NME7: variants seen among roughly 807,000 people sequenced by gnomAD.
NME7 encodes the protein NME/NM23 family member 7, also known as nucleoside diphosphate kinase 7.
A neutral mutation model predicts 49.1 loss-of-function variants in NME7; 41 were observed. The ratio of observed to expected loss-of-function variants is 0.83; its 90% CI spans 0.65 to 1.08. NME7 has a LOEUF of 1.08. Among genes scored for constraint, NME7 ranks in the 50% least tolerant of loss-of-function variants. The pLI, the probability that NME7 is intolerant of heterozygous loss-of-function variation, is 0.00. For synonymous variants in NME7, 139 were observed against 150.6 expected (o/e 0.92, Z 0.56); for missense variants, 423 against 463.4 (o/e 0.91, Z 0.80).
At position 169,269,438 on chromosome 1, in the gene NME7, C is replaced by T. The variant is rs1649417971; in HGVS notation, c.754+17865G>A. 1.5e-5 allele frequency among the ~76,000 whole-genome samples: 2 copies of T among 133,940 alleles called. 1 individual carries two copies. Among genetic ancestry groups the T allele is most frequent in the Non-Finnish European group, 3.5e-5 (2 of 57,084 alleles). The allele number at this position is 133,940 out of a possible 152,430, so 87.9% of individuals were successfully genotyped here. On this transcript the variant is annotated intron_variant, in intron 7 of 11. Transcript: ENST00000367811. Reference sequence around the variant, plus strand: ...TTTTGTTAAAACTGAGTTAAATATACGATGTTTAGCTCTCTTTATACCAAA... The same window carrying T: ...TTTTGTTAAAACTGAGTTAAATATATGATGTTTAGCTCTCTTTATACCAAA...
intron 4 of NME7, among the ~76,000 whole-genome samples, chr1:169,303,715 G>A (rs1444448977): frequency 6.6e-6 from 1 of 152,046 alleles, no homozygotes; most frequent in African/African-American, 2.4e-5. Flanking sequence ...GCCTCTCAAA[G>A]TGCTGGGATT....
chr1:169,308,171 T>C (rs1651251524), intron 4 of NME7, among the ~76,000 whole-genome samples: 1 of 152,302 alleles, frequency 6.6e-6, no homozygotes, highest in Admixed American at 6.5e-5. Context: ...CTAGAAAATA[T>C]GTAAACTAGG....
chr1:169,149,380 G>A (rs1279353847), intron 11 of NME7, among the ~76,000 whole-genome samples: 1 of 151,984 alleles, frequency 6.6e-6, no homozygotes, highest in Non-Finnish European at 1.5e-5. Context: ...ATTTAACTAA[G>A]AGAAGTTAAT....
chr1:169,287,506 A>C, intron 6 of NME7, 98 bp from the exon 7 acceptor site: 2 of 863,832 alleles, frequency 2.3e-6, no homozygotes, highest in Admixed American at 5.6e-5. Flanking sequence ...TTACTTTTAG[A>C]GTTTCATCAT....
chr1:169,316,245 A>T (rs1651621273), intron 3 of NME7, among the ~76,000 whole-genome samples: 1 of 152,134 alleles, frequency 6.6e-6, no homozygotes, highest in African/African-American at 2.4e-5. Flanking sequence ...GTCCAAAAAC[A>T]ACAATAATAA....
chr1:169,323,506 C>T (rs1312175328), intron 2 of NME7, among the ~76,000 whole-genome samples: 4 of 152,082 alleles, frequency 2.6e-5, no homozygotes, highest in Non-Finnish European at 5.9e-5. Context: ...AAATTTAATA[C>T]TCTTAAAAAC....
intron 7 of NME7, among the ~76,000 whole-genome samples, chr1:169,254,349 G>C (rs952563945): frequency 3.3e-5 from 5 of 151,900 alleles, no homozygotes; most frequent in Non-Finnish European, 7.4e-5. Flanking sequence ...GTTTATTTGC[G>C]TAGAGGTGTT....
chr1:169,145,999 T>C (rs937733416), intron 11 of NME7, among the ~76,000 whole-genome samples: 2 of 151,632 alleles, frequency 1.3e-5, no homozygotes, highest in African/African-American at 4.9e-5. Flanking sequence ...TATTGTGTGA[T>C]GGTGAGGTTT....
intron 10 of NME7, among the ~76,000 whole-genome samples, chr1:169,184,614 C>A (rs925041427): frequency 5.3e-5 from 8 of 152,078 alleles, no homozygotes; most frequent in Non-Finnish European, 1.2e-4. Flanking sequence ...TGGTCATTAC[C>A]TAATTTGTTG....
intron 1 of NME7, among the ~76,000 whole-genome samples, chr1:169,335,517 A>G (rs904267729): frequency 1.3e-5 from 2 of 151,670 alleles, no homozygotes; most frequent in South Asian, 2.1e-4. Flanking sequence ...ATGAGAACAC[A>G]TAGAGAGGGG....
intron 11 of NME7, among the ~76,000 whole-genome samples, chr1:169,153,248 C>T (rs1658960520): frequency 6.6e-6 from 1 of 152,106 alleles, no homozygotes; most frequent in Non-Finnish European, 1.5e-5. Context: ...TGGCATAGTA[C>T]CTGGTATATA....
intron 10 of NME7, among the ~76,000 whole-genome samples, chr1:169,186,921 G>A (rs1291295623): frequency 1.3e-5 from 2 of 152,020 alleles, no homozygotes; most frequent in Non-Finnish European, 2.9e-5. Context: ...CACTGTTTTA[G>A]CTGTGTTGAA....
At chr1:169,308,017 C>T (rs10919131) in intron 4 of NME7, among the ~76,000 whole-genome samples, 6,970 of 126,970 alleles carry the variant, frequency 0.055, 227 homozygotes, top group East Asian at 0.12. Context: ...AAGACTCCAT[C>T]TCAAAAAAAA....
intron 4 of NME7, among the ~76,000 whole-genome samples, chr1:169,305,239 C>A (rs932840421): frequency 6.6e-6 from 1 of 152,168 alleles, no homozygotes; most frequent in African/African-American, 2.4e-5. Flanking sequence ...GAATCACTAT[C>A]TAGAGAAGTT....
Position 169,271,628 on chromosome 1 carries a change from G to T in NME7, c.754+15675C>A, listed in dbSNP as rs1349525115. 1.5e-5 allele frequency among the ~76,000 whole-genome samples: 2 copies of T among 133,186 alleles called. 1 individual carries two copies. The highest frequency in any genetic ancestry group is 4.0e-4 in the East Asian group (2 of 5,026). The allele number at this position is 133,186 out of a possible 152,430, so 87.4% of individuals were successfully genotyped here. A position where few individuals can be genotyped will look rare whatever the true frequency, so the allele number is the denominator to read the frequency against. ...TTGTGCTTGCCCTTTATTGTATTAA[G>T]GAATAAACTTAGCTTTGCTTCATCA... is the stretch of plus-strand genomic sequence containing the variant. On this transcript the variant is annotated intron_variant, in intron 7 of 11. Coordinates refer to ENST00000367811, the MANE Select transcript of NME7 (RefSeq NM_013330.5).
chr1:169,255,928 G>A lies in NME7; in HGVS notation c.755-18241C>T, dbSNP rs1014448106. ...CTGGCTTGTAGGGTTTCTGCCGAGA[G>A]ATCCACTGTTAGTCTGATGGGCTTT... On this transcript the variant is annotated intron_variant, in intron 7 of 11. Coordinates refer to ENST00000367811, the MANE Select transcript of NME7 (RefSeq NM_013330.5). Among the ~76,000 whole-genome samples, 67 of 133,800 alleles carry A rather than the reference G, an allele frequency of 5.0e-4. 7 individuals are homozygous for A. The highest frequency in any genetic ancestry group is 1.5e-3 in the African/African-American group (61 of 39,576). The allele number at this position is 133,800 out of a possible 152,430, so 87.8% of individuals were successfully genotyped here. A position where few individuals can be genotyped will look rare whatever the true frequency, so the allele number is the denominator to read the frequency against.
At chr1:169,184,703 A>T (rs1349450236) in intron 10 of NME7, among the ~76,000 whole-genome samples, 1 of 152,196 alleles carries the variant, frequency 6.6e-6, no homozygotes, top group Non-Finnish European at 1.5e-5. Flanking sequence ...ACTGGGCTAG[A>T]AATAAGGAAA....
chr1:169,168,892 T>C (rs1378141882), intron 11 of NME7: 1 of 456,348 alleles, frequency 2.2e-6, no homozygotes, highest in Non-Finnish European at 4.4e-6. Context: ...ATCTCCAAAC[T>C]TTCTAATATA....
chr1:169,316,757 C>A (rs1370315724), intron 3 of NME7, among the ~76,000 whole-genome samples: 1 of 152,124 alleles, frequency 6.6e-6, no homozygotes, highest in Non-Finnish European at 1.5e-5. Context: ...TTGGAATGTG[C>A]AAGGAAATTG....
Sources: gnomAD v4.1 joint callset for allele counts (sites outside exome capture counted in the v4.1 genomes callset) on GRCh38, gnomAD v4.1.1 for gene constraint, MANE v1.5 for transcripts, NCBI Gene and HGNC (gene_info 2026-07-23, HGNC 2026-07-21) for gene names.